The following PSME3IP1 variants were observed in gnomAD, a reference collection of about 807,000 sequenced individuals.
PSME3IP1 encodes proteasome activator subunit 3 interacting protein 1, also known as PSME3-interacting protein.
PSME3IP1 carries 13 observed loss-of-function variants against 34.1 expected under a neutral mutation model. The ratio of observed to expected loss-of-function variants is 0.38; its 90% CI spans 0.25 to 0.61. The LOEUF (loss-of-function observed/expected upper bound fraction) is 0.61, where lower values mean the gene tolerates loss of function less well. PSME3IP1 is among the 20% of genes least tolerant of loss of function. PSME3IP1 has a pLI of 0.60. For synonymous variants in PSME3IP1, 93 were observed against 114.3 expected (o/e 0.81, Z 1.19); for missense variants, 237 against 301.4 (o/e 0.79, Z 1.58).
rs565939932 is a variant in PSME3IP1 at position 57,179,978 on chromosome 16, T to G, written c.-16+5843A>C. 1.1e-4 allele frequency among the ~76,000 whole-genome samples: 17 copies of G among 152,354 alleles called. No individual in the cohort carries two copies. In the East Asian group the frequency reaches 3.3e-3, roughly 29 times the overall value. ...CTACCAAGATACAGTTATTTAGATT[T>G]TTAAAAATTTAGCTGACTTTTCCTA... is the stretch of plus-strand genomic sequence containing the variant. On this transcript the variant is annotated intron_variant, in intron 1 of 6. Transcript: ENST00000309137.
chr16:57,168,872 T>C (rs1014772306), intron 4 of PSME3IP1, among the ~76,000 whole-genome samples: 16 of 143,120 alleles, frequency 1.1e-4, no homozygotes, highest in African/African-American at 3.4e-4. Context: ...AAAATTAGCA[T>C]GTTGTGATTT....
chr16:57,154,354 A>G lies in PSME3IP1; in HGVS notation c.701T>C (p.Ile234Thr). 6.2e-7 allele frequency: 1 copy of G among 1,614,114 alleles called. No individual in the cohort carries two copies. The highest frequency in any genetic ancestry group is 8.5e-7 in the Non-Finnish European group (1 of 1,180,012). The change falls in exon 7 of 7, where the codon ATC (isoleucine) becomes ACC (threonine). Residue 234 changes from isoleucine (I) to threonine (T), a missense_variant. Transcript: ENST00000309137. The surrounding 1 kb of genome is among the most constrained non-coding windows in gnomAD (Gnocchi z 4.0). ...GGAGACAATCTTTCCGGTGGCATTG[A>G]TGGTGCCTTCGCTGTCTGAGCTGGA... ...SESSSDSEGT[I>T]NATGKIVSSI...
chr16:57,168,237 G>A (rs1254019239), intron 4 of PSME3IP1, among the ~76,000 whole-genome samples: 1 of 152,152 alleles, frequency 6.6e-6, no homozygotes, highest in Non-Finnish European at 1.5e-5. Context: ...CAAAAAGGTG[G>A]GTGGAAGTAG....
rs1421653951 is a variant in PSME3IP1, at chr16:57,172,523, A to AT, written c.227-152dup. ...ATGGCGTTTGAATAGATAACAGGGCATAAAAAAAAACAAGGCATTTTTTCC... is the reference window on the plus strand; with the variant it reads ...ATGGCGTTTGAATAGATAACAGGGCATTAAAAAAAAACAAGGCATTTTTTCC... On this transcript the variant is annotated intron_variant, in intron 3 of 6. Coordinates refer to ENST00000309137, the MANE Select transcript of PSME3IP1 (RefSeq NM_024946.4). 113 of 892,512 alleles carry AT rather than the reference A, an allele frequency of 1.3e-4. No individual in the cohort carries two copies. In the African/African-American group the frequency reaches 1.7e-3, roughly 13 times the overall value. 55.3% of individuals were successfully genotyped at this position (892,512 alleles called of 1,614,324 possible).
intron 1 of PSME3IP1, among the ~76,000 whole-genome samples, chr16:57,184,049 G>A (rs573179034): frequency 1.4e-3 from 216 of 152,048 alleles, no homozygotes; most frequent in African/African-American, 5.0e-3. Context: ...AAAATAGTAA[G>A]AAATAAAAAA....
chr16:57,161,777 C>T (rs1019083435), intron 6 of PSME3IP1, among the ~76,000 whole-genome samples: 2 of 152,012 alleles, frequency 1.3e-5, no homozygotes, highest in African/African-American at 2.4e-5. Context: ...TCCCAAAGTG[C>T]TGGGATTACA....
chr16:57,156,486 AGGAGATCAATG>A (rs750046816), intron 6 of PSME3IP1, among the ~76,000 whole-genome samples: 11 of 152,254 alleles, frequency 7.2e-5, no homozygotes, highest in Non-Finnish European at 1.5e-4. Context: ...CACAAAGTTC[AGGAGATCAATG>A]TATTTGCTTG....
rs779562242 is a variant in PSME3IP1 at position 57,173,749 on chromosome 16, G to A, written c.106C>T (p.Arg36Ter). 3.7e-6 allele frequency: 6 copies of A among 1,613,766 alleles called. No individual in the cohort carries two copies. The highest frequency in any genetic ancestry group is 5.1e-6 in the Non-Finnish European group (6 of 1,179,998). The change falls in exon 2 of 7, where the codon CGA (arginine) becomes TGA (stop). Residue 36 changes from arginine (R) to a stop codon, truncating the protein, a stop_gained. Transcript: ENST00000309137. LOFTEE classifies it high-confidence loss of function. Reference protein sequence around the residue: ...KRRQEEWEKVRKPEDPEECPE... With the variant: ...KRRQEEWEKV ...ATACCTTCTGGATCTTCAGGTTTTC[G>A]AACTTTCTCCCATTCTTCTTGCCTC...
chr16:57,185,370 G>T (rs2074079496), intron 1 of PSME3IP1, among the ~76,000 whole-genome samples: 1 of 152,162 alleles, frequency 6.6e-6, no homozygotes, highest in Non-Finnish European at 1.5e-5. Flanking sequence ...TAGAAAATTC[G>T]CTTGGCACAG....
chr16:57,167,805 C>T (rs1023018299), intron 4 of PSME3IP1, among the ~76,000 whole-genome samples: 4 of 152,216 alleles, frequency 2.6e-5, no homozygotes, highest in African/African-American at 9.7e-5. Context: ...TTTAAACACT[C>T]TCTGAAGGTG....
At chr16:57,179,932 A>T (rs1158021981) in intron 1 of PSME3IP1, among the ~76,000 whole-genome samples, 3 of 152,226 alleles carry the variant, frequency 2.0e-5, no homozygotes, top group Admixed American at 6.5e-5. Flanking sequence ...ATAAAGACTT[A>T]TTTCTGGCCA....
At chr16:57,181,740 T>C (rs563676468) in intron 1 of PSME3IP1, 2 of 152,310 alleles carry the variant, frequency 1.3e-5, no homozygotes, top group Admixed American at 6.5e-5. Flanking sequence ...TCACAGAACT[T>C]AGAGGAACTT....
At chr16:57,163,895 G>A in intron 6 of PSME3IP1, 106 bp downstream of exon 6, 1 of 1,162,522 alleles carries the variant, frequency 8.6e-7, no homozygotes, top group Non-Finnish European at 1.3e-6. Context: ...AGGTAGGCTT[G>A]CTTGAAGACA....
chr16:57,180,201 G>A (rs2073568360), intron 1 of PSME3IP1, among the ~76,000 whole-genome samples: 1 of 152,110 alleles, frequency 6.6e-6, no homozygotes, highest in African/African-American at 2.4e-5. Flanking sequence ...TTATCATAAG[G>A]AGCAATTTGC....
chr16:57,179,738 C>G (rs7203631), intron 1 of PSME3IP1, among the ~76,000 whole-genome samples: 68,470 of 151,990 alleles, frequency 0.45, 15,568 homozygotes, highest in Non-Finnish European at 0.48. Context: ...TTTCTGTGTT[C>G]TGTTGTTTTA....
intron 4 of PSME3IP1, among the ~76,000 whole-genome samples, chr16:57,168,629 C>G (rs113895236): frequency 0.035 from 5,254 of 151,870 alleles, 99 homozygotes; most frequent in Middle Eastern, 0.11. Context: ...TGGAGAAACC[C>G]TGTCTCTACT....
intron 1 of PSME3IP1, among the ~76,000 whole-genome samples, chr16:57,185,079 C>T (rs1374687328): frequency 6.6e-6 from 1 of 152,200 alleles, no homozygotes; most frequent in Non-Finnish European, 1.5e-5. Flanking sequence ...TCGGGAATTC[C>T]GATCACCAGG....
At chr16:57,183,132 T>C (rs1415594573) in intron 1 of PSME3IP1, among the ~76,000 whole-genome samples, 2 of 152,174 alleles carry the variant, frequency 1.3e-5, no homozygotes, top group African/African-American at 2.4e-5. Flanking sequence ...GAAGCTTAAT[T>C]TTCATAATGG....
At chr16:57,162,603 T>C (rs1702568632) in intron 6 of PSME3IP1, among the ~76,000 whole-genome samples, 3 of 146,512 alleles carry the variant, frequency 2.0e-5, no homozygotes, top group Non-Finnish European at 4.5e-5. Context: ...AGGCAGAGGC[T>C]GCAATGAGCC....
Sources: gnomAD v4.1 joint callset for allele counts (sites outside exome capture counted in the v4.1 genomes callset) on GRCh38, gnomAD v4.1.1 for gene constraint, Gnocchi (gnomAD v3.1) non-coding constraint, MANE v1.5 for transcripts, NCBI Gene and HGNC (gene_info 2026-07-23, HGNC 2026-07-21) for gene names.